The following ZNF718 variants were observed in gnomAD, a reference collection of about 807,000 sequenced individuals.
ZNF718 encodes the protein zinc finger protein 718.
A neutral mutation model predicts 2.6 loss-of-function variants in ZNF718; 3 were observed. That is an observed-to-expected ratio of 1.16 (90% confidence interval 0.53 to 3.01). ZNF718 has a LOEUF of 3.01. ZNF718 is among the 30% of genes most tolerant of loss of function. The pLI is 0.03. For missense variants in ZNF718, 468 were observed against 230.0 expected, an observed-to-expected ratio of 2.03 and a Z score of -6.69; for synonymous variants, 135 against 77.9, an observed-to-expected ratio of 1.73 and a Z score of -3.86.
At chr4:170,586 A>C (rs1405861868) in intron 3 of ZNF718, among the ~76,000 whole-genome samples, 2 of 151,678 alleles carry the variant, frequency 1.3e-5, no homozygotes, top group African/African-American at 2.4e-5. Context: ...TTCTCACTTC[A>C]TTTCATTTAT....
At chr4:149,717 T>C (rs1716230336) in intron 3 of ZNF718, 1 of 152,162 alleles carries the variant, frequency 6.6e-6, no homozygotes, top group South Asian at 2.1e-4. Flanking sequence ...TTTTCTTTGG[T>C]GGTCATCAGT....
chr4:178,279 C>T (rs1717389105), intron 3 of ZNF718, among the ~76,000 whole-genome samples: 1 of 151,926 alleles, frequency 6.6e-6, no homozygotes, highest in African/African-American at 2.4e-5. Flanking sequence ...GCTGGGACTA[C>T]AGGTACATGT....
chr4:138,157 T>C (rs1324492006), intron 3 of ZNF718, among the ~76,000 whole-genome samples: 1 of 152,206 alleles, frequency 6.6e-6, no homozygotes, highest in Non-Finnish European at 1.5e-5. Context: ...ACTACATTCT[T>C]TTAGTTATTT....
At chr4:150,816 T>C (rs548637739) in intron 3 of ZNF718, among the ~76,000 whole-genome samples, 18 of 152,262 alleles carry the variant, frequency 1.2e-4, no homozygotes, top group Admixed American at 3.9e-4. Flanking sequence ...AAATTAAAAA[T>C]AGAACTAACA....
intron 3 of ZNF718, among the ~76,000 whole-genome samples, chr4:171,657 A>G (rs1312315784): frequency 6.6e-6 from 1 of 152,114 alleles, no homozygotes; most frequent in African/African-American, 2.4e-5. Flanking sequence ...CATGGGATAT[A>G]ATCTCCTGGT....
At chr4:133,848 C>T (rs146860611) in intron 3 of ZNF718, among the ~76,000 whole-genome samples, 12 of 152,292 alleles carry the variant, frequency 7.9e-5, no homozygotes, top group African/African-American at 2.9e-4. Context: ...TATGTATATA[C>T]ATTGTAAAAT....
intron 3 of ZNF718, among the ~76,000 whole-genome samples, chr4:172,462 A>T (rs940372066): frequency 3.3e-5 from 5 of 152,210 alleles, no homozygotes; most frequent in African/African-American, 1.2e-4. Context: ...ATCATAGCTA[A>T]TTTGTGCCAA....
At chr4:182,272 ACT>A (rs1394911185) in intron 3 of ZNF718, among the ~76,000 whole-genome samples, 1 of 151,258 alleles carries the variant, frequency 6.6e-6, no homozygotes, top group East Asian at 1.9e-4. Context: ...ACTAATTTAC[ACT>A]CTCACCAATG....
intron 3 of ZNF718, among the ~76,000 whole-genome samples, chr4:191,235 G>A (rs1050678294): frequency 2.2e-5 from 3 of 137,912 alleles, no homozygotes; most frequent in South Asian, 4.9e-4. Context: ...TGCAACCTCC[G>A]CTTCCGGGGT....
chr4:147,235 T>C (rs6838276), intron 3 of ZNF718, among the ~76,000 whole-genome samples: 6,709 of 152,270 alleles, frequency 0.044, 379 homozygotes, highest in African/African-American at 0.13. Context: ...ATTTTTTAGA[T>C]CTGTGTTTTA....
rs551089825 is a variant in ZNF718, at chr4:185,567, A to G, written c.227-15514A>G. Among the ~76,000 whole-genome samples, 41 of 152,054 alleles carry G rather than the reference A, an allele frequency of 2.7e-4. No homozygotes were observed. In the South Asian group the frequency reaches 4.6e-3, roughly 17 times the overall value. On this transcript the variant is annotated intron_variant and NMD_transcript_variant, in intron 3 of 4. Transcript: ENST00000642529. ...ATCCTGAAATCTTTGTTAATTTTCT[A>G]TCTTGATGTCTAATATTATCAATGG... is the stretch of plus-strand genomic sequence containing the variant.
intron 3 of ZNF718, among the ~76,000 whole-genome samples, chr4:159,809 G>A (rs557753360): frequency 6.6e-6 from 1 of 151,760 alleles, no homozygotes; most frequent in Admixed American, 6.6e-5. Flanking sequence ...TTTTTTAATT[G>A]GGCCATGTTG....
chr4:179,412 CT>C (rs1410534756), intron 3 of ZNF718, among the ~76,000 whole-genome samples: 1 of 152,136 alleles, frequency 6.6e-6, no homozygotes, highest in Admixed American at 6.5e-5. Context: ...TCAAATATCT[CT>C]GTAAGAGAAG....
downstream of ZNF718, among the ~76,000 whole-genome samples, chr4:165,662 G>C (rs1325148588): frequency 6.6e-6 from 1 of 152,152 alleles, no homozygotes; most frequent in Non-Finnish European, 1.5e-5. Flanking sequence ...AGCCAGTTGT[G>C]ATGGTGGGTG....
intron 3 of ZNF718, among the ~76,000 whole-genome samples, chr4:190,039 T>C (rs1717660984): frequency 6.6e-6 from 1 of 152,128 alleles, no homozygotes; most frequent in Admixed American, 6.5e-5. Flanking sequence ...GAATTCTATA[T>C]TTATATAGGA....
At chr4:158,409 T>G (rs1335800445) in intron 3 of ZNF718, among the ~76,000 whole-genome samples, 5 of 152,078 alleles carry the variant, frequency 3.3e-5, no homozygotes, top group Non-Finnish European at 7.4e-5. Flanking sequence ...TAATATTATT[T>G]TATTGTTTTA....
intron 1 of ZNF718, chr4:124,924 C>G: frequency 2.3e-6 from 1 of 433,360 alleles, no homozygotes; most frequent in Non-Finnish European, 4.2e-6. Flanking sequence ...AGGAGCTCAT[C>G]CGGAAGACAC....
intron 3 of ZNF718, among the ~76,000 whole-genome samples, chr4:187,932 A>G (rs888843567): frequency 1.3e-5 from 2 of 152,184 alleles, no homozygotes; most frequent in Non-Finnish European, 2.9e-5. Flanking sequence ...TGGCCTTAGA[A>G]CATGGGCATG....
chr4:198,734 T>G (rs566946890), intron 3 of ZNF718, among the ~76,000 whole-genome samples: 1 of 152,196 alleles, frequency 6.6e-6, no homozygotes, highest in Non-Finnish European at 1.5e-5. Context: ...GGAAAAGATG[T>G]TAGAATGCTG....
Sources: gnomAD v4.1 joint callset for allele counts (sites outside exome capture counted in the v4.1 genomes callset) on GRCh38, gnomAD v4.1.1 for gene constraint, MANE v1.5 for transcripts, NCBI Gene and HGNC (gene_info 2026-07-23, HGNC 2026-07-21) for gene names.